SMARCA2: variants seen among roughly 807,000 people sequenced by gnomAD.
SMARCA2 encodes SWI/SNF-related matrix-associated actin-dependent regulator of chromatin subfamily A member 2.
A neutral mutation model predicts 199.8 loss-of-function variants in SMARCA2; 61 were observed. The ratio of observed to expected loss-of-function variants is 0.31; its 90% CI spans 0.25 to 0.38. The LOEUF is 0.38. SMARCA2 is among the 10% of genes least tolerant of loss of function. The probability of loss-of-function intolerance (pLI) is 1.00; values close to 1 mark genes in which losing one functional copy is unlikely to be tolerated. For missense variants in SMARCA2, 1,344 were observed against 2,012.2 expected, an observed-to-expected ratio of 0.67 and a Z score of 6.35; for synonymous variants, 935 against 732.0, an observed-to-expected ratio of 1.28 and a Z score of -4.48.
intron 29 of SMARCA2, among the ~76,000 whole-genome samples, chr9:2,174,852 C>T (rs755721406): frequency 1.5e-5 from 2 of 133,132 alleles, no homozygotes; most frequent in East Asian, 2.3e-4. Context: ...CCTGGGAGGT[C>T]GAGGCTACAG....
chr9:2,048,575 A>T (rs181827036), intron 5 of SMARCA2, among the ~76,000 whole-genome samples: 1 of 152,356 alleles, frequency 6.6e-6, no homozygotes, highest in African/African-American at 2.4e-5. Flanking sequence ...TGAAAAGCAC[A>T]TCACTCATTT....
At chr9:2,071,250 GA>G (rs1420102895) in intron 10 of SMARCA2, among the ~76,000 whole-genome samples, 5 of 151,802 alleles carry the variant, frequency 3.3e-5, no homozygotes, top group Non-Finnish European at 7.4e-5. Flanking sequence ...TGGAGATGCA[GA>G]AAAAAAAGAT....
At chr9:2,188,262 GGCTGTTTCCCAATAAT>G (rs1176448896) in intron 32 of SMARCA2, among the ~76,000 whole-genome samples, 2 of 151,974 alleles carry the variant, frequency 1.3e-5, no homozygotes, top group Admixed American at 1.3e-4. Context: ...CTGTTAATCA[GGCTGTTTCCCAATAAT>G]GCTGTCCTGA....
chr9:2,111,561 T>G (rs1215812778), intron 24 of SMARCA2, among the ~76,000 whole-genome samples: 2 of 149,422 alleles, frequency 1.3e-5, no homozygotes, highest in African/African-American at 4.9e-5. Context: ...GAATTCTACA[T>G]CAGCTTTTCC....
At chr9:2,141,439 A>G (rs1393628797) in intron 27 of SMARCA2, among the ~76,000 whole-genome samples, 1 of 152,254 alleles carries the variant, frequency 6.6e-6, no homozygotes, top group Non-Finnish European at 1.5e-5. Context: ...GAAGATGCAC[A>G]TCTATGCAAG....
At chr9:2,106,127 G>A (rs1212665964) in intron 23 of SMARCA2, among the ~76,000 whole-genome samples, 1 of 152,186 alleles carries the variant, frequency 6.6e-6, no homozygotes, top group Non-Finnish European at 1.5e-5. Context: ...ATAAGCTACT[G>A]TTATCCCTGT....
intron 24 of SMARCA2, among the ~76,000 whole-genome samples, chr9:2,111,236 C>G (rs1404096158): frequency 6.6e-6 from 1 of 151,744 alleles, no homozygotes; most frequent in East Asian, 1.9e-4. Flanking sequence ...CCTGTAATCC[C>G]AGGACTTTGG....
chr9:2,118,958 AT>A (rs552713527), intron 25 of SMARCA2, among the ~76,000 whole-genome samples: 6 of 152,276 alleles, frequency 3.9e-5, no homozygotes, highest in African/African-American at 1.4e-4. Context: ...CATATATGTG[AT>A]TTTTATTGTC....
chr9:2,029,412 A>G (rs1818966981), intron 2 of SMARCA2, among the ~76,000 whole-genome samples, 165 bp downstream of exon 2: 1 of 152,322 alleles, frequency 6.6e-6, no homozygotes, highest in South Asian at 2.1e-4. Context: ...AGGTACTTTT[A>G]TTGCTACAGA....
At chr9:2,153,963 G>C (rs1422421319) in intron 27 of SMARCA2, among the ~76,000 whole-genome samples, 4 of 152,184 alleles carry the variant, frequency 2.6e-5, no homozygotes, top group African/African-American at 9.7e-5. Context: ...GCCTTTTCCT[G>C]ATGGTGCAGT....
chr9:2,096,323 C>T (rs568894841), intron 19 of SMARCA2, among the ~76,000 whole-genome samples: 1 of 152,324 alleles, frequency 6.6e-6, no homozygotes, highest in East Asian at 1.9e-4. Flanking sequence ...GAAGGAAATG[C>T]TAAAAATATC....
At chr9:2,136,370 T>A (rs1824197561) in intron 27 of SMARCA2, among the ~76,000 whole-genome samples, 1 of 151,962 alleles carries the variant, frequency 6.6e-6, no homozygotes, top group Non-Finnish European at 1.5e-5. Context: ...ATATTATTGG[T>A]AGAGACGGGG....
chr9:2,076,790 C>T (rs1821344569), intron 13 of SMARCA2, among the ~76,000 whole-genome samples: 1 of 152,120 alleles, frequency 6.6e-6, no homozygotes, highest in Non-Finnish European at 1.5e-5. Context: ...AAGTTGACCA[C>T]CAACTCTCGC....
Position 2,073,271 on chromosome 9 carries a change from C to T in SMARCA2, c.1806C>T (p.Thr602=), listed in dbSNP as rs202136878. The T allele has an allele frequency of 1.7e-4, 267 of 1,614,058 alleles. No homozygotes were observed. The East Asian group carries it at 4.2e-3, about 25-fold the overall frequency. Residue 602 remains threonine (T), a synonymous_variant, in exon 11 of 34, where the codon ACC becomes ACT. Coordinates refer to ENST00000349721, the MANE Select transcript of SMARCA2 (RefSeq NM_003070.5). ...DLPVKVTHTE[T]GKVLFGPEAP... is the part of the protein sequence containing the mutation. ...CTGTCAAAGTGACTCACACAGAAAC[C>T]GGCAAGGTTCTGTTCGGACCAGAAG...
chr9:2,130,557 G>A (rs563385396), intron 27 of SMARCA2, among the ~76,000 whole-genome samples: 1 of 152,312 alleles, frequency 6.6e-6, no homozygotes, highest in East Asian at 1.9e-4. Context: ...TTTAGAAAGT[G>A]TGAAAGAGAA....
At chr9:2,185,992 C>G in intron 31 of SMARCA2, 104 bp from the exon 32 acceptor site, 1 of 1,143,642 alleles carries the variant, frequency 8.7e-7, no homozygotes. Flanking sequence ...GGTGACATTT[C>G]TACTAAAATT....
At chr9:2,023,346 C>G (rs1207799994) in intron 1 of SMARCA2, among the ~76,000 whole-genome samples, 1 of 152,084 alleles carries the variant, frequency 6.6e-6, no homozygotes, top group Non-Finnish European at 1.5e-5. Context: ...AATTTGTTGC[C>G]CTGATTGAAA....
At chr9:2,185,008 T>C (rs577274619) in intron 31 of SMARCA2, among the ~76,000 whole-genome samples, 3 of 152,358 alleles carry the variant, frequency 2.0e-5, no homozygotes, top group African/African-American at 4.8e-5. Flanking sequence ...GGGGTTGTTT[T>C]ATTTTCCTTT....
chr9:2,172,485 C>G (rs958982972), intron 29 of SMARCA2, among the ~76,000 whole-genome samples: 2 of 151,832 alleles, frequency 1.3e-5, no homozygotes, highest in Non-Finnish European at 2.9e-5. Context: ...GGGATGTAGC[C>G]ATGGAGGCTT....
Sources: gnomAD v4.1 joint callset for allele counts (sites outside exome capture counted in the v4.1 genomes callset) on GRCh38, gnomAD v4.1.1 for gene constraint, MANE v1.5 for transcripts, NCBI Gene and HGNC (gene_info 2026-07-23, HGNC 2026-07-21) for gene names.